RHOA: variants seen among roughly 807,000 people sequenced by gnomAD.
RHOA encodes transforming protein RhoA.
RHOA carries 3 observed loss-of-function variants against 17.5 expected under a neutral mutation model. That is an observed-to-expected ratio of 0.17 (90% CI 0.08 to 0.44). RHOA has a LOEUF of 0.44. RHOA is among the 20% of genes least tolerant of loss of function. The pLI is 0.99. For synonymous variants in RHOA, 98 were observed against 88.4 expected, an observed-to-expected ratio of 1.11 and a Z score of -0.61; for missense variants, 56 against 242.3, an observed-to-expected ratio of 0.23 and a Z score of 5.10.
At chr3:49,400,578 G>A (rs1379677450) in intron 1 of RHOA, among the ~76,000 whole-genome samples, 1 of 152,036 alleles carries the variant, frequency 6.6e-6, no homozygotes, top group Admixed American at 6.6e-5. Flanking sequence ...GACTGTATCA[G>A]GACTTGGTGC....
At chr3:49,384,417 A>G (rs893991867) in intron 1 of RHOA, among the ~76,000 whole-genome samples, 1 of 152,186 alleles carries the variant, frequency 6.6e-6, no homozygotes, top group African/African-American at 2.4e-5. Flanking sequence ...ATAACTTATA[A>G]GTTTGGAGTA....
intron 1 of RHOA, among the ~76,000 whole-genome samples, chr3:49,391,875 C>G (rs748460972): frequency 2.2e-5 from 3 of 136,124 alleles, no homozygotes; most frequent in Non-Finnish European, 4.6e-5. Context: ...GTCCCCCAGA[C>G]TGGAGTGTAA....
At chr3:49,390,396 T>C (rs1282605562) in intron 1 of RHOA, among the ~76,000 whole-genome samples, 3 of 152,264 alleles carry the variant, frequency 2.0e-5, no homozygotes, top group Middle Eastern at 3.4e-3. Context: ...CCCAAAATGC[T>C]GGGATTACAG....
chr3:49,360,432 A>G, intron 4 of RHOA, 50 bp from the exon 5 acceptor site: 1 of 1,524,990 alleles, frequency 6.6e-7, no homozygotes, highest in Non-Finnish European at 8.8e-7. Context: ...TGGCATACAT[A>G]TAGTAAGTAA....
chr3:49,365,646 A>T (rs2107834734), intron 3 of RHOA, among the ~76,000 whole-genome samples: 1 of 143,600 alleles, frequency 7.0e-6, no homozygotes, highest in South Asian at 2.2e-4. Flanking sequence ...GCTGGAGTGC[A>T]GTGATGCGAT....
chr3:49,361,527 T>C (rs534471458), intron 4 of RHOA, among the ~76,000 whole-genome samples: 38 of 152,324 alleles, frequency 2.5e-4, no homozygotes, highest in African/African-American at 8.4e-4. Context: ...TATCTTTCAG[T>C]TGCCACTAAT....
chr3:49,393,670 C>CTGTGTGTGTG (rs2048553811), intron 1 of RHOA, among the ~76,000 whole-genome samples: 1 of 97,244 alleles, frequency 1.0e-5, no homozygotes, highest in Non-Finnish European at 2.0e-5. Flanking sequence ...GTCTCAAATT[C>CTGTGTGTGTG]TCTCTCTGTG....
Position 49,375,527 on chromosome 3 carries a change from C to G in RHOA, c.63G>C (p.Leu21Phe), listed in dbSNP as rs569321650. ...VGDGACGKTCLLIVFSKDQFP... is the reference protein window; with the variant it reads ...VGDGACGKTCFLIVFSKDQFP... ...ACTGGTCCTTGCTGAAGACTATGAG[C>G]AAGCATGTCTTTCCACAGGCTCCAT... The change falls in exon 2 of 5, where the codon TTG (leucine) becomes TTC (phenylalanine). Residue 21 changes from leucine (L) to phenylalanine (F), a missense_variant. This residue lies in a region of RHOA where 17 missense variants were observed against 156.3 expected (regional missense o/e 0.11). Transcript: ENST00000418115. 1 of 1,614,090 alleles carries G rather than the reference C, an allele frequency of 6.2e-7. No individual in the cohort carries two copies. The highest frequency in any genetic ancestry group is 8.5e-7 in the Non-Finnish European group (1 of 1,179,956).
chr3:49,387,136 A>C (rs1246384587), intron 1 of RHOA, among the ~76,000 whole-genome samples: 4 of 121,102 alleles, frequency 3.3e-5, no homozygotes, highest in Non-Finnish European at 4.9e-5. Context: ...AAAAAAAAAA[A>C]AAAAAAAAAA....
At chr3:49,368,646 A>T in intron 2 of RHOA, 98 bp from the exon 3 acceptor site, 2 of 1,318,646 alleles carry the variant, frequency 1.5e-6, no homozygotes, top group Admixed American at 1.9e-5. Context: ...ATGGCAGACC[A>T]TTGAAATGGC....
At chr3:49,389,144 C>T (rs2048453183) in intron 1 of RHOA, among the ~76,000 whole-genome samples, 1 of 151,518 alleles carries the variant, frequency 6.6e-6, no homozygotes, top group Non-Finnish European at 1.5e-5. Flanking sequence ...GAGTTCAAGA[C>T]CAACCTGGCC....
At chr3:49,361,303 A>G (rs963456098) in intron 4 of RHOA, among the ~76,000 whole-genome samples, 1 of 152,128 alleles carries the variant, frequency 6.6e-6, no homozygotes, top group Admixed American at 6.6e-5. Flanking sequence ...AATAAAGCCT[A>G]CCCTTGACAT....
intron 1 of RHOA, among the ~76,000 whole-genome samples, chr3:49,404,358 G>A (rs2048776956): frequency 6.7e-6 from 1 of 150,006 alleles, no homozygotes; most frequent in Non-Finnish European, 1.5e-5. Context: ...ACTTTGGGAA[G>A]CCAAGGCAGG....
At chr3:49,379,909 G>A (rs1214982739) in intron 1 of RHOA, among the ~76,000 whole-genome samples, 1 of 152,154 alleles carries the variant, frequency 6.6e-6, no homozygotes, top group Admixed American at 6.6e-5. Flanking sequence ...CGCCCCCAGT[G>A]GGGGGAAAAA....
intron 1 of RHOA, among the ~76,000 whole-genome samples, chr3:49,398,179 G>A (rs1053224098): frequency 3.3e-5 from 5 of 150,236 alleles, no homozygotes; most frequent in Admixed American, 1.3e-4. Context: ...CGGCCAACAC[G>A]GTGAAACCCC....
rs140527304 is a variant in RHOA, at chr3:49,395,843, G to A, written c.-3+15977C>T. ...CCAAAAGAAAGAACCCTAATGGAAGGGGAGGTGGAATGGGCACAATCTAAG... is the reference window on the plus strand; with the variant it reads ...CCAAAAGAAAGAACCCTAATGGAAGAGGAGGTGGAATGGGCACAATCTAAG... On this transcript the variant is annotated intron_variant, in intron 1 of 4. Coordinates refer to ENST00000418115, the MANE Select transcript of RHOA (RefSeq NM_001664.4). 3.9e-4 allele frequency among the ~76,000 whole-genome samples: 59 copies of A among 152,278 alleles called. No homozygotes were observed. The East Asian group carries it at 0.011, about 28-fold the overall frequency.
At chr3:49,408,295 TACATATAC>T (rs2048873802) in intron 1 of RHOA, among the ~76,000 whole-genome samples, 4 of 150,676 alleles carry the variant, frequency 2.7e-5, no homozygotes, top group African/African-American at 4.9e-5. Context: ...CAAGTATATA[TACATATAC>T]ACACACACAC....
intron 2 of RHOA, among the ~76,000 whole-genome samples, chr3:49,369,598 G>A (rs1012489595): frequency 2.0e-5 from 3 of 151,794 alleles, no homozygotes; most frequent in African/African-American, 4.8e-5. Flanking sequence ...AGCCAGGCAC[G>A]GCAGCGTGCG....
At chr3:49,381,865 CA>C (rs111761769) in intron 1 of RHOA, among the ~76,000 whole-genome samples, 87 of 138,034 alleles carry the variant, frequency 6.3e-4, no homozygotes, top group Middle Eastern at 3.6e-3. Flanking sequence ...AAATTCGTCT[CA>C]AAAAAAAAAA....
Sources: gnomAD v4.1 joint callset for allele counts (sites outside exome capture counted in the v4.1 genomes callset) on GRCh38, gnomAD v4.1.1 for gene constraint, gnomAD v4.1.1 regional missense constraint, MANE v1.5 for transcripts, NCBI Gene and HGNC (gene_info 2026-07-23, HGNC 2026-07-21) for gene names.